DAPK2: variants seen among roughly 807,000 people sequenced by gnomAD.
DAPK2 encodes death-associated protein kinase 2.
A neutral mutation model predicts 44.1 loss-of-function variants in DAPK2; 35 were observed. The observed-to-expected ratio is 0.79, with a 90% CI of 0.61 to 1.05. The LOEUF is 1.05. Ranked by LOEUF, DAPK2 falls within the 50% of genes least tolerant of loss-of-function variation. The pLI is 0.00. For missense variants in DAPK2, 453 were observed against 483.2 expected (o/e 0.94, Z 0.59); for synonymous variants, 174 against 182.6 (o/e 0.95, Z 0.38).
At chr15:63,960,095 G>T (rs531032012) in intron 3 of DAPK2, among the ~76,000 whole-genome samples, 1 of 152,282 alleles carries the variant, frequency 6.6e-6, no homozygotes, top group East Asian at 1.9e-4. Context: ...GAGTGTATGT[G>T]TCCAGGAATT....
chr15:64,043,591 T>C (rs975289350), upstream of DAPK2, among the ~76,000 whole-genome samples: 1 of 152,164 alleles, frequency 6.6e-6, no homozygotes, highest in Non-Finnish European at 1.5e-5. Context: ...ATCCCCTCAC[T>C]CAGGGGAGAG....
upstream of DAPK2, among the ~76,000 whole-genome samples, chr15:64,044,774 C>G (rs952987466): frequency 6.6e-6 from 1 of 152,176 alleles, no homozygotes; most frequent in Admixed American, 6.5e-5. Flanking sequence ...AGTGAACTCT[C>G]TCAGTTCCTC....
At chr15:64,005,796 A>AGG (rs2079210829) in intron 1 of DAPK2, among the ~76,000 whole-genome samples, 1 of 152,166 alleles carries the variant, frequency 6.6e-6, no homozygotes, top group African/African-American at 2.4e-5. Context: ...CAAGAGGCTG[A>AGG]GGTGGGAGGA....
chr15:63,986,949 C>T (rs2078683703), intron 1 of DAPK2, among the ~76,000 whole-genome samples: 1 of 152,212 alleles, frequency 6.6e-6, no homozygotes, highest in Non-Finnish European at 1.5e-5. Flanking sequence ...CAGTATTACA[C>T]TTCCCCATAG....
At chr15:64,007,616 C>T (rs559134496) in intron 1 of DAPK2, among the ~76,000 whole-genome samples, 1 of 152,334 alleles carries the variant, frequency 6.6e-6, no homozygotes, top group East Asian at 1.9e-4. Context: ...TGATGCTTCT[C>T]CTAACAGTTA....
intron 2 of DAPK2, among the ~76,000 whole-genome samples, chr15:63,981,751 C>T (rs1027861012): frequency 4.5e-4 from 69 of 151,932 alleles, no homozygotes; most frequent in African/African-American, 1.5e-3. Context: ...ATCAGGATGC[C>T]GACTGCTGAC....
intron 1 of DAPK2, among the ~76,000 whole-genome samples, chr15:64,023,489 C>G (rs1310591549): frequency 6.6e-6 from 1 of 152,212 alleles, no homozygotes; most frequent in Non-Finnish European, 1.5e-5. Context: ...AGAGAATTAA[C>G]AGAGCTGGGA....
At chr15:63,920,869 C>G (rs932034106) in intron 8 of DAPK2, 1 of 152,364 alleles carries the variant, frequency 6.6e-6, no homozygotes, top group East Asian at 1.9e-4. Flanking sequence ...CCTTCCACAC[C>G]GCCTCTCATC....
At chr15:64,036,271 A>ATGTGTG (rs1297163093) in intron 1 of DAPK2, among the ~76,000 whole-genome samples, 46 of 85,324 alleles carry the variant, frequency 5.4e-4, no homozygotes, top group Middle Eastern at 6.0e-3. Flanking sequence ...AAATATATAT[A>ATGTGTG]TATGTGTGTG....
chr15:63,964,849 T>C (rs1241324011), intron 3 of DAPK2, among the ~76,000 whole-genome samples: 2 of 152,192 alleles, frequency 1.3e-5, no homozygotes, highest in Non-Finnish European at 2.9e-5. Flanking sequence ...GAATTCCTTC[T>C]CTGTGTTATC....
chr15:63,971,484 T>C (rs1271271008), exon 3 of DAPK2: 1 of 1,614,120 alleles, frequency 6.2e-7, no homozygotes, highest in East Asian at 2.2e-5. Context: ...CAGGATCTGC[T>C]TAATGAAGCT....
chr15:63,942,163 T>G, intron 3 of DAPK2: 2 of 970,148 alleles, frequency 2.1e-6, no homozygotes, highest in Non-Finnish European at 2.5e-6. Flanking sequence ...GGGGAAGAAT[T>G]GAGGCTGAAA....
chr15:63,912,293 C>T lies in DAPK2; in HGVS notation c.859-96G>A. 1 of 1,286,038 alleles carries T rather than the reference C, an allele frequency of 7.8e-7. No homozygotes were observed. The highest frequency in any genetic ancestry group is 1.1e-6 in the Non-Finnish European group (1 of 911,064). 79.7% of individuals were successfully genotyped at this position (1,286,038 alleles called of 1,614,324 possible). The stretch of plus-strand genomic sequence containing the variant: ...CTCCCCACCCACCGCATGCCCACCG[C>T]CCTTGGCTTGACCCTGGCATCTCCC... On this transcript the variant is annotated intron_variant, in intron 8 of 10. Coordinates refer to ENST00000261891, the Ensembl canonical transcript of DAPK2. The surrounding 1 kb of genome is among the most constrained non-coding windows in gnomAD (Gnocchi z 4.4).
intron 8 of DAPK2, among the ~76,000 whole-genome samples, chr15:63,913,582 T>C (rs1451272869): frequency 6.6e-6 from 1 of 152,168 alleles, no homozygotes; most frequent in African/African-American, 2.4e-5. Context: ...AGGGAGCCTA[T>C]TGATTCCCAG....
intron 8 of DAPK2, among the ~76,000 whole-genome samples, chr15:63,913,959 C>G (rs1384940933): frequency 6.6e-6 from 1 of 152,242 alleles, no homozygotes; most frequent in African/African-American, 2.4e-5. Context: ...AGACTTTCTT[C>G]CTGTCTATGT....
chr15:64,016,704 G>T (rs2079534730), intron 1 of DAPK2, among the ~76,000 whole-genome samples: 1 of 152,014 alleles, frequency 6.6e-6, no homozygotes, highest in Non-Finnish European at 1.5e-5. Context: ...GAAGTGGGAA[G>T]ATCGCTTGAG....
intron 1 of DAPK2, among the ~76,000 whole-genome samples, chr15:64,000,190 C>T (rs879889978): frequency 0.13 from 7,166 of 57,274 alleles, 307 homozygotes; most frequent in African/African-American, 0.17. Context: ...TACTACTACA[C>T]ACACACACAC....
chr15:63,988,801 C>T (rs1006291367), intron 1 of DAPK2, among the ~76,000 whole-genome samples: 3 of 152,030 alleles, frequency 2.0e-5, no homozygotes, highest in African/African-American at 2.4e-5. Context: ...CCACCGCGCC[C>T]GGCCAGCTTT....
chr15:63,908,414 T>C lies in DAPK2; in HGVS notation c.*106A>G. Reference sequence around the variant, plus strand: ...CCTTGGGCCCATCTCTCTTGCAAAGTGCTCAGGACGCCCGGGTGCTGGTGC... The same window carrying C: ...CCTTGGGCCCATCTCTCTTGCAAAGCGCTCAGGACGCCCGGGTGCTGGTGC... On this transcript the variant is annotated 3_prime_UTR_variant, in exon 11 of 11. Transcript: ENST00000261891. The surrounding 1 kb of genome is among the most constrained non-coding windows in gnomAD (Gnocchi z 5.7). 1 of 607,182 alleles carries C rather than the reference T, an allele frequency of 1.6e-6. No individual in the cohort carries two copies. The allele number at this position is 607,182 out of a possible 1,614,324, so 37.6% of individuals were successfully genotyped here. A position where few individuals can be genotyped will look rare whatever the true frequency, so the allele number is the denominator to read the frequency against.
Sources: gnomAD v4.1 joint callset for allele counts (sites outside exome capture counted in the v4.1 genomes callset) on GRCh38, gnomAD v4.1.1 for gene constraint, Gnocchi (gnomAD v3.1) non-coding constraint, MANE v1.5 for transcripts, NCBI Gene and HGNC (gene_info 2026-07-23, HGNC 2026-07-21) for gene names.